Variants in PCA3 observed in about 807,000 individuals in gnomAD.
PCA3 encodes the protein Differential Display code 3.
At chr9:76,768,974 C>T (rs553653802) in intron 2 of PCA3, among the ~76,000 whole-genome samples, 9 of 152,256 alleles carry the variant, frequency 5.9e-5, no homozygotes, top group South Asian at 4.1e-4. Flanking sequence ...ATATATAACT[C>T]GACCCTTTCC....
intron 2 of PCA3, among the ~76,000 whole-genome samples, chr9:76,765,274 G>A (rs2052217405): frequency 6.6e-6 from 1 of 152,154 alleles, no homozygotes; most frequent in Non-Finnish European, 1.5e-5. Flanking sequence ...GGGGGCATTT[G>A]GAAGAAAACG....
intron 2 of PCA3, among the ~76,000 whole-genome samples, chr9:76,776,893 T>TACACACACACACACACAC (rs541232508): frequency 8.6e-6 from 1 of 115,616 alleles, no homozygotes; most frequent in Non-Finnish European, 1.7e-5. Context: ...CCAAAACACA[T>TACACACACACACACACAC]ACACACACAC....
intron 2 of PCA3, among the ~76,000 whole-genome samples, chr9:76,770,935 A>C (rs1480468928): frequency 6.6e-6 from 1 of 152,170 alleles, no homozygotes; most frequent in East Asian, 1.9e-4. Context: ...AAATCTGAAA[A>C]AGAAGAATTA....
chr9:76,768,623 G>GTGTA (rs1491356086), intron 2 of PCA3, among the ~76,000 whole-genome samples: 12 of 130,150 alleles, frequency 9.2e-5, no homozygotes, highest in African/African-American at 3.3e-4. Context: ...GTGTGTGTGT[G>GTGTA]TATATCCCTG....
intron 2 of PCA3, among the ~76,000 whole-genome samples, chr9:76,772,906 A>G (rs999514384): frequency 5.9e-5 from 9 of 152,192 alleles, no homozygotes; most frequent in African/African-American, 2.2e-4. Context: ...CATGGATTTC[A>G]AAAAATTAAG....
intron 2 of PCA3, among the ~76,000 whole-genome samples, chr9:76,775,105 G>T (rs182588786): frequency 1.6e-4 from 25 of 152,250 alleles, no homozygotes; most frequent in Non-Finnish European, 3.2e-4. Context: ...AAGCTGAACC[G>T]AATAGGACCA....
chr9:76,780,432 A>G (rs1032085021), intron 2 of PCA3, among the ~76,000 whole-genome samples: 3 of 152,186 alleles, frequency 2.0e-5, no homozygotes, highest in Non-Finnish European at 4.4e-5. Context: ...TCACGCCTGT[A>G]ATCCCAGCAC....
At position 76,778,567 on chromosome 9, in the gene PCA3, C is replaced by T. The variant is rs547937478; in HGVS notation, n.853-30016C>T. 6 of 152,316 alleles carry T rather than the reference C, an allele frequency of 3.9e-5. No individual in the cohort carries two copies. In the South Asian group the frequency reaches 1.0e-3, roughly 26 times the overall value. 9.4% of individuals were successfully genotyped at this position (152,316 alleles called of 1,614,324 possible). ...GACTTGGAATTGCATGGAGCTGGAGCTGAAGTTTAGCCCAATTGTTTACTA... is the reference window on the plus strand; with the variant it reads ...GACTTGGAATTGCATGGAGCTGGAGTTGAAGTTTAGCCCAATTGTTTACTA... On this transcript the variant is annotated intron_variant and non_coding_transcript_variant, in intron 2 of 5. Coordinates refer to ENST00000644657, the Ensembl canonical transcript of PCA3.
intron 2 of PCA3, among the ~76,000 whole-genome samples, chr9:76,782,473 T>C (rs181656330): frequency 4.5e-4 from 68 of 152,344 alleles, no homozygotes; most frequent in Non-Finnish European, 8.5e-4. Flanking sequence ...CACACTTTGT[T>C]TATCTGAAAC....
chr9:76,771,246 A>G (rs1000249965), intron 2 of PCA3, among the ~76,000 whole-genome samples: 3 of 152,200 alleles, frequency 2.0e-5, no homozygotes, highest in African/African-American at 7.2e-5. Context: ...CATCTTAAAT[A>G]TATTTATAAG....
At chr9:76,773,740 G>T (rs771512062) in intron 2 of PCA3, among the ~76,000 whole-genome samples, 1 of 152,120 alleles carries the variant, frequency 6.6e-6, no homozygotes, top group Non-Finnish European at 1.5e-5. Context: ...CACCGCACCC[G>T]GCCAAGTACA....
intron 2 of PCA3, among the ~76,000 whole-genome samples, chr9:76,771,786 G>A (rs1170447709): frequency 6.6e-6 from 1 of 152,186 alleles, no homozygotes; most frequent in Non-Finnish European, 1.5e-5. Context: ...TTATTTCCCA[G>A]AGGGAGAGGC....
intron 2 of PCA3, among the ~76,000 whole-genome samples, chr9:76,765,370 G>C (rs1168480088): frequency 6.6e-6 from 1 of 152,148 alleles, no homozygotes; most frequent in Non-Finnish European, 1.5e-5. Context: ...ATAAGAATAG[G>C]TAAATAGTCC....
intron 2 of PCA3, among the ~76,000 whole-genome samples, chr9:76,777,163 GA>G (rs767015336): frequency 1.1e-4 from 16 of 152,160 alleles, no homozygotes; most frequent in Non-Finnish European, 1.5e-4. Context: ...GAGAAGGGAA[GA>G]AATGCAATGA....
intron 2 of PCA3, among the ~76,000 whole-genome samples, chr9:76,768,966 A>G (rs1458329761): frequency 6.6e-6 from 1 of 152,222 alleles, no homozygotes; most frequent in Non-Finnish European, 1.5e-5. Flanking sequence ...AAACAAAGAT[A>G]TATAACTCGA....
At chr9:76,766,365 T>C (rs538210242) in intron 2 of PCA3, among the ~76,000 whole-genome samples, 5 of 152,118 alleles carry the variant, frequency 3.3e-5, no homozygotes, top group Non-Finnish European at 7.4e-5. Context: ...GTGTGCCTTG[T>C]GGGAGAATAC....
intron 2 of PCA3, among the ~76,000 whole-genome samples, chr9:76,765,436 G>A (rs2052240674): frequency 1.3e-5 from 2 of 152,174 alleles, no homozygotes; most frequent in African/African-American, 4.8e-5. Flanking sequence ...CAATAGAATG[G>A]TGGGATTATA....
At chr9:76,785,387 G>A (rs1371422806) in intron 2 of PCA3, 3 of 152,212 alleles carry the variant, frequency 2.0e-5, no homozygotes, top group African/African-American at 4.8e-5. Flanking sequence ...GAGCCACAGA[G>A]GGAATGTTTA....
intron 2 of PCA3, among the ~76,000 whole-genome samples, chr9:76,780,473 G>A (rs1057053559): frequency 2.0e-5 from 3 of 152,052 alleles, no homozygotes; most frequent in Non-Finnish European, 2.9e-5. Context: ...GGATCACGAG[G>A]CCAGGAGATC....
Sources: allele counts gnomAD v4.1 joint callset (sites outside exome capture counted in the v4.1 genomes callset), GRCh38; gene constraint gnomAD v4.1.1; transcripts MANE v1.5; gene names NCBI Gene and HGNC (gene_info 2026-07-23, HGNC 2026-07-21).